The following TSPEAR variants were observed in gnomAD, a reference collection of about 807,000 sequenced individuals.
TSPEAR encodes the protein thrombospondin-type laminin G domain and EAR repeat-containing protein.
Under a neutral mutation model 71.6 loss-of-function variants are expected in TSPEAR, and 69 were observed. The ratio of observed to expected loss-of-function variants is 0.96; its 90% confidence interval spans 0.79 to 1.18. The LOEUF (loss-of-function observed/expected upper bound fraction) is 1.18, where lower values mean the gene tolerates loss of function less well. Ranked by LOEUF, TSPEAR falls within the 50% of genes most tolerant of loss-of-function variation. The probability of loss-of-function intolerance (pLI) is 0.00; values close to 1 mark genes in which losing one functional copy is unlikely to be tolerated. For missense variants in TSPEAR, 971 were observed against 894.9 expected, an observed-to-expected ratio of 1.09 and a Z score of -1.09; for synonymous variants, 402 against 387.2, an observed-to-expected ratio of 1.04 and a Z score of -0.45.
At chr21:44,616,801 C>T (rs1465011255) in intron 1 of TSPEAR, among the ~76,000 whole-genome samples, 7 of 152,262 alleles carry the variant, frequency 4.6e-5, no homozygotes, top group African/African-American at 1.2e-4. Context: ...TAAGGCAGCA[C>T]GTGCCCGCAC....
In TSPEAR at chr21:44,506,295, C is replaced by T. The variant is rs913153026; in HGVS notation, c.1755-1414G>A. On this transcript the variant is annotated intron_variant, in intron 10 of 11. Coordinates refer to ENST00000323084, the MANE Select transcript of TSPEAR (RefSeq NM_144991.3). This position sits in a 1 kb window ranked among gnomAD's most constrained non-coding sequence, Gnocchi z 4.2. ...AGGAGCCCACCTGCCGAGCTGTCAGCGTCAGCCCCACATCTCAAGATGAGG... is the reference window on the plus strand; with the variant it reads ...AGGAGCCCACCTGCCGAGCTGTCAGTGTCAGCCCCACATCTCAAGATGAGG... Among the ~76,000 whole-genome samples, 4 of 152,254 alleles carry T rather than the reference C, an allele frequency of 2.6e-5. No homozygotes were observed. The highest frequency in any genetic ancestry group is 5.9e-5 in the Non-Finnish European group (4 of 68,046).
At chr21:44,528,748 G>A (rs774693534) in intron 5 of TSPEAR, among the ~76,000 whole-genome samples, 165 bp from the exon 6 acceptor site, 155 of 152,230 alleles carry the variant, frequency 1.0e-3, no homozygotes, top group Non-Finnish European at 1.9e-3. Context: ...ATCACAGACG[G>A]GGAATTGAGA....
chr21:44,604,346 A>G (rs1480178475), intron 1 of TSPEAR, among the ~76,000 whole-genome samples: 1 of 152,266 alleles, frequency 6.6e-6, no homozygotes, highest in Non-Finnish European at 1.5e-5. Context: ...AAACATAAAA[A>G]GAAACGAATA....
chr21:44,544,496 T>C (rs1248792446), intron 2 of TSPEAR, among the ~76,000 whole-genome samples: 3 of 152,128 alleles, frequency 2.0e-5, no homozygotes, highest in African/African-American at 7.2e-5. Context: ...ATTAAATGAA[T>C]CTAGGATTAA....
chr21:44,670,683 C>T (rs1418294930), intron 1 of TSPEAR, among the ~76,000 whole-genome samples: 1 of 152,190 alleles, frequency 6.6e-6, no homozygotes, highest in Non-Finnish European at 1.5e-5. Flanking sequence ...CAGGATGCCA[C>T]ATAATGGCAT....
chr21:44,539,512 C>A, intron 2 of TSPEAR: 1 of 1,613,624 alleles, frequency 6.2e-7, no homozygotes, highest in Non-Finnish European at 8.5e-7. Flanking sequence ...GGCAGCTAGA[C>A]TGCTGGCAGC....
At chr21:44,560,702 G>A (rs782132422) in intron 2 of TSPEAR, among the ~76,000 whole-genome samples, 13 of 152,076 alleles carry the variant, frequency 8.5e-5, no homozygotes, top group South Asian at 4.1e-4. Context: ...ACAACTACAT[G>A]GAAATTGAAC....
intron 1 of TSPEAR, among the ~76,000 whole-genome samples, chr21:44,709,870 A>G (rs1260619198): frequency 1.3e-5 from 2 of 152,256 alleles, no homozygotes; most frequent in Non-Finnish European, 2.9e-5. Context: ...GGAGCGTTCC[A>G]AATGCAGCTC....
chr21:44,555,961 G>A (rs587629769), intron 2 of TSPEAR, among the ~76,000 whole-genome samples: 25 of 152,344 alleles, frequency 1.6e-4, no homozygotes, highest in African/African-American at 6.0e-4. Context: ...CTGCAAAGGA[G>A]TAAATGACTG....
chr21:44,617,595 G>T (rs1343508375), intron 1 of TSPEAR, among the ~76,000 whole-genome samples: 2 of 152,258 alleles, frequency 1.3e-5, no homozygotes, highest in African/African-American at 4.8e-5. Context: ...GGCAAGGTGT[G>T]GCCGTGACCA....
chr21:44,528,267 C>A (rs2052896985), intron 6 of TSPEAR, among the ~76,000 whole-genome samples, 185 bp downstream of exon 6: 1 of 152,212 alleles, frequency 6.6e-6, no homozygotes, highest in South Asian at 2.1e-4. Context: ...CAGTGTCCTG[C>A]CCGCTGCTTG....
At chr21:44,517,063 G>C (rs1217799315) in intron 9 of TSPEAR, among the ~76,000 whole-genome samples, 1 of 152,172 alleles carries the variant, frequency 6.6e-6, no homozygotes, top group Non-Finnish European at 1.5e-5. Context: ...GACTCCTGCA[G>C]TCTGTGCTTC....
chr21:44,548,718 G>A (rs2053346332), intron 2 of TSPEAR, among the ~76,000 whole-genome samples: 1 of 152,186 alleles, frequency 6.6e-6, no homozygotes, highest in African/African-American at 2.4e-5. Context: ...GGAGGGACAG[G>A]CCCTCACAGT....
rs1988210278 is a variant in TSPEAR, at chr21:44,711,342, A to G, written c.82+91T>C. ...AGCGTCCTCGGGCACCGCGGCTTGAATCAGTGTTAGAAAGTGGCATTTGTG... is the reference window on the plus strand; with the variant it reads ...AGCGTCCTCGGGCACCGCGGCTTGAGTCAGTGTTAGAAAGTGGCATTTGTG... On this transcript the variant is annotated intron_variant, in intron 1 of 11. Coordinates refer to ENST00000323084, the MANE Select transcript of TSPEAR (RefSeq NM_144991.3). The surrounding 1 kb of genome is among the most constrained non-coding windows in gnomAD (Gnocchi z 4.5). The G allele has an allele frequency of 1.6e-6, 2 of 1,221,270 alleles. No individual in the cohort carries two copies. Among genetic ancestry groups the G allele is most frequent in the Non-Finnish European group, 2.3e-6 (2 of 867,436 alleles). 75.7% of individuals were successfully genotyped at this position (1,221,270 alleles called of 1,614,324 possible).
intron 1 of TSPEAR, among the ~76,000 whole-genome samples, chr21:44,572,304 T>G (rs759324250): frequency 6.0e-4 from 91 of 152,148 alleles, no homozygotes; most frequent in Non-Finnish European, 1.1e-3. Flanking sequence ...CCACCGGAAG[T>G]TGGTGCAGCT....
chr21:44,579,822 G>T (rs747934442), intron 1 of TSPEAR: 1 of 1,609,902 alleles, frequency 6.2e-7, no homozygotes. Context: ...GAGGCCGGGC[G>T]GCAGCAGCTG....
At chr21:44,646,743 C>A in intron 1 of TSPEAR, 3 of 1,614,096 alleles carry the variant, frequency 1.9e-6, no homozygotes, top group Non-Finnish European at 2.5e-6. Context: ...CCTCCCCCTG[C>A]CAGCAGGCCT....
chr21:44,637,695 CCTG>C (rs782763164), intron 1 of TSPEAR: 1 of 1,578,618 alleles, frequency 6.3e-7, no homozygotes, highest in African/African-American at 1.4e-5. Context: ...TGCCAGCAGG[CCTG>C]CTGTGTGCCT....
chr21:44,642,474 G>A lies in TSPEAR; in HGVS notation c.82+68959C>T, dbSNP rs1330001545. ...ATTTAAAAAAATAATGTAAGAGATT[G>A]TATGAACCTACAATAACAGAAAACT... On this transcript the variant is annotated intron_variant, in intron 1 of 11. Transcript: ENST00000323084. The surrounding 1 kb of genome is among the most constrained non-coding windows in gnomAD (Gnocchi z 4.1). Among the ~76,000 whole-genome samples, 1 of 152,178 alleles carries A rather than the reference G, an allele frequency of 6.6e-6. No homozygotes were observed. The highest frequency in any genetic ancestry group is 1.5e-5 in the Non-Finnish European group (1 of 68,034).
Sources: allele counts gnomAD v4.1 joint callset (sites outside exome capture counted in the v4.1 genomes callset), GRCh38; gene constraint gnomAD v4.1.1; non-coding constraint Gnocchi (gnomAD v3.1); transcripts MANE v1.5; gene names NCBI Gene and HGNC (gene_info 2026-07-23, HGNC 2026-07-21).